The following ADSS1 variants were observed in gnomAD, a reference collection of about 807,000 sequenced individuals.
ADSS1 encodes adenylosuccinate synthase 1.
In ADSS1, 57 loss-of-function variants were observed where a neutral mutation model predicts 59.1. That is an observed-to-expected ratio of 0.97 (90% CI 0.78 to 1.20). ADSS1 has a LOEUF of 1.20. Ranked by LOEUF, ADSS1 falls within the 50% of genes most tolerant of loss-of-function variation. The pLI is 0.00. For missense variants in ADSS1, 603 were observed against 610.3 expected (o/e 0.99, Z 0.13); for synonymous variants, 247 against 249.4 (o/e 0.99, Z 0.09).
chr14:104,734,901 C>A, intron 1 of ADSS1, 119 bp from the exon 2 acceptor site: 2 of 796,914 alleles, frequency 2.5e-6, no homozygotes, highest in East Asian at 2.7e-5. Flanking sequence ...CCAAACCAGA[C>A]ACCCCAAAAT....
At chr14:104,742,244 G>A (rs919840888) in intron 9 of ADSS1, among the ~76,000 whole-genome samples, 1 of 152,256 alleles carries the variant, frequency 6.6e-6, no homozygotes, top group Non-Finnish European at 1.5e-5. Context: ...ATGCCCACAC[G>A]TACACGTGAC....
chr14:104,735,268 A>C (rs1891077025), intron 2 of ADSS1, 146 bp downstream of exon 2: 3 of 729,194 alleles, frequency 4.1e-6, no homozygotes, highest in African/African-American at 1.8e-5. Context: ...CTGCCCCACC[A>C]GGCACTGGTG....
chr14:104,744,779 C>G, intron 10 of ADSS1, 33 bp from the exon 11 acceptor site: 1 of 1,608,558 alleles, frequency 6.2e-7, no homozygotes, highest in Non-Finnish European at 8.5e-7. Flanking sequence ...CTGACCACTT[C>G]TTGGGTTTGC....
rs1480614345 is a variant in ADSS1 at position 104,735,119 on chromosome 14, A to T, written c.292A>T (p.Ile98Phe). 6.2e-7 allele frequency: 1 copy of T among 1,608,114 alleles called. No individual in the cohort carries two copies. Among genetic ancestry groups the T allele is most frequent in the African/African-American group, 1.3e-5 (1 of 74,782 alleles). ...CATCAACACCAAGGCCGTGTCCTTC[A>T]TTGGTGAGTGCCCTGCCCCGACCTG... The part of the protein sequence containing the change: ...GIINTKAVSF[I>F]GNGVVIHLPG... The change falls in exon 2 of 13, where the codon ATT becomes TTT. Residue 98 changes from isoleucine to phenylalanine, a missense_variant. Coordinates refer to ENST00000330877, the MANE Select transcript of ADSS1 (RefSeq NM_152328.5).
rs780933927 is a variant in ADSS1 at position 104,724,248 on chromosome 14, C to A, written c.-23C>A. The A allele has an allele frequency of 4.1e-6, 5 of 1,224,388 alleles. No homozygotes were observed. The highest frequency in any genetic ancestry group is 1.6e-5 in the African/African-American group (1 of 63,954). The allele number at this position is 1,224,388 out of a possible 1,614,324, so 75.8% of individuals were successfully genotyped here. A position where few individuals can be genotyped will look rare whatever the true frequency, so the allele number is the denominator to read the frequency against. On this transcript the variant is annotated 5_prime_UTR_variant, in exon 1 of 13. Transcript: ENST00000330877. ...GGCGGCGGGCTCCTGGCCGGGCCAGCGCAGCGGAAGAGCCAAGCCAGCATG... is the reference window on the plus strand; with the variant it reads ...GGCGGCGGGCTCCTGGCCGGGCCAGAGCAGCGGAAGAGCCAAGCCAGCATG...
intron 1 of ADSS1, among the ~76,000 whole-genome samples, chr14:104,725,179 G>C (rs1890684111): frequency 6.6e-6 from 1 of 152,142 alleles, no homozygotes; most frequent in Non-Finnish European, 1.5e-5. Flanking sequence ...CCCAGGGCTG[G>C]GCCTCTGCCA....
intron 2 of ADSS1, chr14:104,737,552 G>A (rs1038495678): frequency 1.3e-5 from 2 of 152,220 alleles, no homozygotes; most frequent in Non-Finnish European, 2.9e-5. Context: ...CTACGCGCAG[G>A]TTTCTGCAGG....
intron 9 of ADSS1, among the ~76,000 whole-genome samples, chr14:104,742,476 C>T (rs545078778): frequency 6.4e-4 from 97 of 152,372 alleles, no homozygotes; most frequent in South Asian, 2.5e-3. Context: ...CTCTCCAGCC[C>T]CAGGAAGGTT....
Position 104,724,235 on chromosome 14 carries a change from C to T in ADSS1, c.-36C>T, listed in dbSNP as rs914227583. 14 of 1,222,002 alleles carry T rather than the reference C, an allele frequency of 1.1e-5. No homozygotes were observed. Among genetic ancestry groups the T allele is most frequent in the African/African-American group, 1.6e-5 (1 of 63,992 alleles). 75.7% of individuals were successfully genotyped at this position (1,222,002 alleles called of 1,614,324 possible). ...CGCGGACGCCGGCGGCGGCGGGCTC[C>T]TGGCCGGGCCAGCGCAGCGGAAGAG... On this transcript the variant is annotated 5_prime_UTR_variant, in exon 1 of 13. Coordinates refer to ENST00000330877, the MANE Select transcript of ADSS1 (RefSeq NM_152328.5).
At chr14:104,732,461 C>T (rs974926002) in intron 1 of ADSS1, among the ~76,000 whole-genome samples, 8 of 152,322 alleles carry the variant, frequency 5.3e-5, no homozygotes, top group Non-Finnish European at 8.8e-5. Context: ...GGAGCCCCTG[C>T]GGATCAGCAG....
intron 10 of ADSS1, among the ~76,000 whole-genome samples, chr14:104,743,868 G>A (rs993742040): frequency 2.6e-5 from 4 of 152,364 alleles, no homozygotes; most frequent in Admixed American, 6.5e-5. Context: ...TTCCTTGTGC[G>A]CGATGCAGGG....
At position 104,728,824 on chromosome 14, in the gene ADSS1, G is replaced by A. The variant is rs1446713224; in HGVS notation, c.192+4362G>A. On this transcript the variant is annotated intron_variant, in intron 1 of 12. Coordinates refer to ENST00000330877, the MANE Select transcript of ADSS1 (RefSeq NM_152328.5). ...GGATGGACACAGAGGCAGGAGAGCT[G>A]GTCGCTCCCATTCCAGGGGGAGAGG... Among the ~76,000 whole-genome samples, 3 of 152,202 alleles carry A rather than the reference G, an allele frequency of 2.0e-5. No individual in the cohort carries two copies. In the East Asian group the frequency reaches 5.8e-4, roughly 29 times the overall value.
intron 11 of ADSS1, chr14:104,745,265 C>T (rs569890521): frequency 3.5e-5 from 9 of 256,786 alleles, no homozygotes; most frequent in African/African-American, 1.3e-4. Context: ...TGGATGCGGT[C>T]GGCTCTGGAA....
At chr14:104,743,904 T>C (rs1305889736) in intron 10 of ADSS1, among the ~76,000 whole-genome samples, 1 of 152,242 alleles carries the variant, frequency 6.6e-6, no homozygotes, top group Non-Finnish European at 1.5e-5. Context: ...CATCACGTGC[T>C]AGGGCCAGCA....
At position 104,724,814 on chromosome 14, in the gene ADSS1, A is replaced by G. The variant is rs1595191000; in HGVS notation, c.192+352A>G. Among the ~76,000 whole-genome samples the G allele has an allele frequency of 2.6e-5, 4 of 152,142 alleles. No individual in the cohort carries two copies. In the South Asian group the frequency reaches 8.3e-4, roughly 31 times the overall value. On this transcript the variant is annotated intron_variant, in intron 1 of 12. Coordinates refer to ENST00000330877, the MANE Select transcript of ADSS1 (RefSeq NM_152328.5). ...CCTCCATGGGGGAACCAGAGGACCC[A>G]GCCCCAGGATGGTTTGAGGACCCCC...
Position 104,733,085 on chromosome 14 carries a change from C to T in ADSS1, c.193-1935C>T, listed in dbSNP as rs376893740. 2.7e-4 allele frequency among the ~76,000 whole-genome samples: 41 copies of T among 152,290 alleles called. No homozygotes were observed. In the East Asian group the frequency reaches 4.3e-3, roughly 16 times the overall value. ...CTGCAGAAGTACCCTGACCCTCCACCCCCACCCTGCCTTGGCGCCTGGCAG... is the reference window on the plus strand; with the variant it reads ...CTGCAGAAGTACCCTGACCCTCCACTCCCACCCTGCCTTGGCGCCTGGCAG... On this transcript the variant is annotated intron_variant, in intron 1 of 12. Coordinates refer to ENST00000330877, the MANE Select transcript of ADSS1 (RefSeq NM_152328.5).
At chr14:104,738,839 A>C (rs1171823537) in intron 3 of ADSS1, among the ~76,000 whole-genome samples, 1 of 152,224 alleles carries the variant, frequency 6.6e-6, no homozygotes, top group Non-Finnish European at 1.5e-5. Flanking sequence ...TGGGCAAGTC[A>C]GACCTAGTGT....
Position 104,743,128 on chromosome 14 carries a change from G to A in ADSS1, c.1010G>A (p.Arg337Lys), listed in dbSNP as rs763624509. Residue 337 changes from arginine (R) to lysine (K), a missense_variant, in exon 10 of 13, where the codon AGG becomes AAG. Transcript: ENST00000330877. ...TGGGGAGTGACCACAGGCAGGAAGA[G>A]GCGCTGCGGCTGGCTCGACCTGATG... is the stretch of plus-strand genomic sequence containing the variant. ...HEWGVTTGRK[R>K]RCGWLDLMIL... The A allele has an allele frequency of 2.5e-6, 4 of 1,613,042 alleles. No individual in the cohort carries two copies. The Admixed American group carries it at 6.7e-5, about 27-fold the overall frequency.
rs749479977 is a variant in ADSS1, at chr14:104,740,675, ACCT to A, written c.555_557del (p.Leu186del). On this transcript the variant is annotated inframe_deletion, in exon 6 of 13. Coordinates refer to ENST00000330877, the MANE Select transcript of ADSS1 (RefSeq NM_152328.5). This position sits in a 1 kb window ranked among gnomAD's most constrained non-coding sequence, Gnocchi z 4.8. Reference sequence around the variant, plus strand: ...GCCCGGACAGGCCTCCGCATCTGCGACCTCCTGTCAGATTTTGATGAGTTTTCC... The same window carrying A: ...GCCCGGACAGGCCTCCGCATCTGCGACCTGTCAGATTTTGATGAGTTTTCC... 3 of 1,613,044 alleles carry A rather than the reference ACCT, an allele frequency of 1.9e-6. No homozygotes were observed. Among genetic ancestry groups the A allele is most frequent in the African/African-American group, 1.3e-5 (1 of 74,614 alleles).
Sources: allele counts gnomAD v4.1 joint callset (sites outside exome capture counted in the v4.1 genomes callset), GRCh38; gene constraint gnomAD v4.1.1; non-coding constraint Gnocchi (gnomAD v3.1); transcripts MANE v1.5; gene names NCBI Gene and HGNC (gene_info 2026-07-23, HGNC 2026-07-21).